Variants in PHKA2 observed in about 807,000 individuals in gnomAD.
PHKA2 encodes the protein phosphorylase kinase regulatory subunit alpha 2.
PHKA2 carries 31 observed loss-of-function variants against 102.0 expected under a neutral mutation model. That is an observed-to-expected ratio of 0.30 (90% CI 0.23 to 0.41). The LOEUF (loss-of-function observed/expected upper bound fraction) is 0.41, where lower values mean the gene tolerates loss of function less well. Ranked by LOEUF, PHKA2 falls within the 10% of genes least tolerant of loss-of-function variation. PHKA2 has a pLI of 1.00. For missense variants in PHKA2, 858 were observed against 1,023.1 expected, an observed-to-expected ratio of 0.84 and a Z score of 2.20; for synonymous variants, 455 against 416.2, an observed-to-expected ratio of 1.09 and a Z score of -1.13.
chrX:18,894,936 G>C lies in PHKA2; in HGVS notation c.3336+202C>G. Reference sequence around the variant, plus strand: ...CTAGCCCAGAAATGCTGAGTCTCAGGTGAAGAAAAAGGCTGATGCCAATAA... The same window carrying C: ...CTAGCCCAGAAATGCTGAGTCTCAGCTGAAGAAAAAGGCTGATGCCAATAA... On this transcript the variant is annotated intron_variant, in intron 31 of 32. Transcript: ENST00000379942. 3 of 470,541 alleles carry C rather than the reference G, an allele frequency of 6.4e-6. 1 individual carries two copies. The Admixed American group carries it at 9.7e-5, about 15-fold the overall frequency. The allele number at this position is 470,541 out of a possible 1,213,427, so 38.8% of individuals were successfully genotyped here. A position where few individuals can be genotyped will look rare whatever the true frequency, so the allele number is the denominator to read the frequency against.
At chrX:18,907,369 A>G (rs1449705454) in intron 22 of PHKA2, among the ~76,000 whole-genome samples, 2 of 112,495 alleles carry the variant, frequency 1.8e-5, no homozygotes, top group Admixed American at 9.4e-5. Context: ...ATGCCCATCC[A>G]CTAGCAAACA....
intron 26 of PHKA2, among the ~76,000 whole-genome samples, chrX:18,905,210 G>A (rs2047784923): frequency 8.9e-6 from 1 of 112,274 alleles, no homozygotes; most frequent in South Asian, 3.7e-4. Flanking sequence ...GTTTTGCTCT[G>A]TCGCCCAGGC....
chrX:18,927,276 G>A (rs943865609), intron 13 of PHKA2, among the ~76,000 whole-genome samples: 4 of 112,309 alleles, frequency 3.6e-5, no homozygotes, highest in African/African-American at 1.3e-4. Context: ...GGGACCTGGG[G>A]GCCCATGGAG....
At chrX:18,973,748 G>A (rs1225118893) in intron 1 of PHKA2, among the ~76,000 whole-genome samples, 1 of 112,159 alleles carries the variant, frequency 8.9e-6, no homozygotes, top group African/African-American at 3.2e-5. Context: ...GCCAGCTCTG[G>A]CTAAATCTGC....
chrX:18,969,587 C>G (rs781276478), intron 1 of PHKA2, among the ~76,000 whole-genome samples: 1 of 110,445 alleles, frequency 9.1e-6, no homozygotes, highest in Admixed American at 9.7e-5. Flanking sequence ...TTTGGAGTCC[C>G]TGCCTTGATT....
chrX:18,958,320 C>T (rs1249202484), intron 1 of PHKA2, among the ~76,000 whole-genome samples: 1 of 111,011 alleles, frequency 9.0e-6, no homozygotes, highest in Admixed American at 9.6e-5. Context: ...TAGAAGATAC[C>T]TGTAATAATG....
chrX:18,948,311 T>TA (rs1231218100), intron 5 of PHKA2, among the ~76,000 whole-genome samples: 1 of 110,151 alleles, frequency 9.1e-6, no homozygotes, highest in African/African-American at 3.3e-5. Flanking sequence ...CCGTTTCTAT[T>TA]AAAAATACAA....
intron 1 of PHKA2, among the ~76,000 whole-genome samples, chrX:18,961,159 C>CCTAT (rs999530090): frequency 8.9e-6 from 1 of 112,075 alleles, no homozygotes; most frequent in Admixed American, 9.4e-5. Context: ...AAAGGCAAAG[C>CCTAT]CTATCTTTTT....
At chrX:18,938,809 T>G (rs922706427) in intron 9 of PHKA2, 60 bp from the exon 10 acceptor site, 1 of 1,059,145 alleles carries the variant, frequency 9.4e-7, no homozygotes, top group Non-Finnish European at 1.3e-6. Context: ...ATAATACCAT[T>G]GTGCCTCATG....
intron 14 of PHKA2, 150 bp from the exon 15 acceptor site, chrX:18,925,927 A>G: frequency 2.1e-6 from 1 of 475,855 alleles, no homozygotes; most frequent in Non-Finnish European, 3.7e-6. Flanking sequence ...TTAAAATGGC[A>G]CGAAGCTGAA....
chrX:18,948,865 CAG>C (rs772782197), intron 4 of PHKA2, 39 bp from the exon 5 acceptor site: 2 of 878,468 alleles, frequency 2.3e-6, no homozygotes, highest in East Asian at 6.4e-5. Context: ...AGCCATGTTG[CAG>C]AGAGCTGCCA....
At chrX:18,898,103 C>T (rs1303099578) in intron 29 of PHKA2, 1 of 114,239 alleles carries the variant, frequency 8.8e-6, no homozygotes. Flanking sequence ...AGATCAGGGT[C>T]CATCCACCCA....
Position 18,901,503 on chromosome X carries a change from C to T in PHKA2, c.3009G>A (p.Leu1003=), listed in dbSNP as rs1020459452. Residue 1003 remains leucine, a synonymous_variant, in exon 27 of 33, where the codon CTG becomes CTA. Coordinates refer to ENST00000379942, the MANE Select transcript of PHKA2 (RefSeq NM_000292.3). ...TKTERSGINR[L]RSEMKQMTRR... is the part of the protein sequence containing the mutation. ...TTCTTACCTGTTTCATTTCACTCCT[C>T]AGTCTGTTAATGCCACTCCTCTCAG... 10 of 1,180,140 alleles carry T rather than the reference C, an allele frequency of 8.5e-6. No individual in the cohort carries two copies. Among genetic ancestry groups the T allele is most frequent in the Non-Finnish European group, 1.0e-5 (9 of 866,753 alleles).
chrX:18,942,792 G>A (rs1022325900), intron 7 of PHKA2, among the ~76,000 whole-genome samples: 2 of 107,875 alleles, frequency 1.9e-5, no homozygotes, highest in Admixed American at 2.0e-4. Flanking sequence ...AGGTTACAGG[G>A]AGCTATGATT....
chrX:18,938,865 G>T, intron 9 of PHKA2, 116 bp from the exon 10 acceptor site: 1 of 675,212 alleles, frequency 1.5e-6, no homozygotes, highest in South Asian at 2.4e-5. Flanking sequence ...AAGTTGGCAT[G>T]AGTAGGATTT....
chrX:18,908,186 C>G (rs1011630947), intron 21 of PHKA2, 130 bp from the exon 22 acceptor site: 5 of 662,700 alleles, frequency 7.5e-6, no homozygotes, highest in Non-Finnish European at 1.2e-5. Flanking sequence ...GAGGGTTACG[C>G]CCGACCAAAG....
chrX:18,946,881 A>T (rs1275931417), intron 5 of PHKA2, among the ~76,000 whole-genome samples: 1 of 57,732 alleles, frequency 1.7e-5, no homozygotes, highest in African/African-American at 6.4e-5. Context: ...GGGTGGGGGG[A>T]GGGGGGCCTG....
At position 18,920,057 on chromosome X, in the gene PHKA2, T is replaced by G. The variant is rs927827496; in HGVS notation, c.1938A>C (p.Gly646=). The change falls in exon 18 of 33, where the codon GGA becomes GGC. Residue 646 remains glycine (G), a synonymous_variant. Transcript: ENST00000379942. ...CTTGATTACAGGTGTCTTCCAGATA[T>G]CCTACCAAATCTGAATCACTATCAG... ...FSPDSDSDLV[G]YLEDTCNQES... is the part of the protein sequence containing the mutation. The G allele has an allele frequency of 9.1e-6, 11 of 1,203,100 alleles. No homozygotes were observed. In the African/African-American group the frequency reaches 1.9e-4, roughly 21 times the overall value.
rs745847239 is a variant in PHKA2 at position 18,902,239 on chromosome X, G to A, written c.2909-636C>T. 2.4e-4 allele frequency among the ~76,000 whole-genome samples: 26 copies of A among 110,201 alleles called. No individual in the cohort carries two copies. In the East Asian group the frequency reaches 7.0e-3, roughly 30 times the overall value. On this transcript the variant is annotated intron_variant, in intron 26 of 32. Transcript: ENST00000379942. ...CAACCTCTGCCTCCTGGGCTCAGGC[G>A]ATCCTTCCGCTTCAGCCTCCCAAGT...
Sources: gnomAD v4.1 joint callset for allele counts (sites outside exome capture counted in the v4.1 genomes callset) on GRCh38, gnomAD v4.1.1 for gene constraint, MANE v1.5 for transcripts, NCBI Gene and HGNC (gene_info 2026-07-23, HGNC 2026-07-21) for gene names.